Variants in PLCH1 observed in about 807,000 individuals in gnomAD.
The protein encoded by PLCH1 is phospholipase C eta 1.
PLCH1 carries 60 observed loss-of-function variants against 126.7 expected under a neutral mutation model. The observed-to-expected ratio is 0.47, with a 90% confidence interval of 0.38 to 0.59. The LOEUF (loss-of-function observed/expected upper bound fraction) is 0.59, where lower values mean the gene tolerates loss of function less well. Among genes scored for constraint, PLCH1 ranks in the 20% least tolerant of loss-of-function variants. PLCH1 has a pLI of 0.00. For synonymous variants in PLCH1, 719 were observed against 734.9 expected, an observed-to-expected ratio of 0.98 and a Z score of 0.35; for missense variants, 1,723 against 2,040.0, an observed-to-expected ratio of 0.84 and a Z score of 2.99.
intron 1 of PLCH1, among the ~76,000 whole-genome samples, chr3:155,720,570 T>C (rs1426011855): frequency 6.6e-6 from 1 of 152,176 alleles, no homozygotes; most frequent in Non-Finnish European, 1.5e-5. Context: ...TGGGATTATT[T>C]GTTTTTTTCT....
In PLCH1 at chr3:155,485,389, C is replaced by T; in HGVS notation, c.2941G>A (p.Ala981Thr). The T allele has an allele frequency of 8.7e-6, 14 of 1,606,504 alleles. No homozygotes were observed. Among genetic ancestry groups the T allele is most frequent in the Non-Finnish European group, 1.2e-5 (14 of 1,173,548 alleles). The change falls in exon 22 of 23, where the codon GCA (alanine) becomes ACA (threonine). Residue 981 changes from alanine (A) to threonine (T), a missense_variant. Physicochemically the swap from Ala to Thr is moderately conservative, Grantham distance 58 (BLOSUM62 0). Coordinates refer to ENST00000460012, the MANE Select transcript of PLCH1 (RefSeq NM_014996.4). ...GALSLPVSET[A>T]KDIEGKENSL... ...TTTTCTTTTCCTTCAATGTCTTTTG[C>T]TGTTTCAGATACAGGCAGCGACAAA...
At chr3:155,642,733 T>G (rs567293082) in intron 2 of PLCH1, among the ~76,000 whole-genome samples, 1 of 152,338 alleles carries the variant, frequency 6.6e-6, no homozygotes, top group East Asian at 1.9e-4. Flanking sequence ...CATTTTGGAT[T>G]TAGGCTATGA....
At chr3:155,670,215 A>G (rs539760945) in intron 2 of PLCH1, among the ~76,000 whole-genome samples, 24 of 152,320 alleles carry the variant, frequency 1.6e-4, no homozygotes, top group African/African-American at 5.5e-4. Flanking sequence ...AGAAATTATA[A>G]AAGAGGAATG....
chr3:155,589,763 T>C (rs1197027761), intron 4 of PLCH1, among the ~76,000 whole-genome samples: 1 of 152,182 alleles, frequency 6.6e-6, no homozygotes, highest in East Asian at 1.9e-4. Context: ...GCTAAAGATT[T>C]GCCACTCTTT....
At chr3:155,502,335 A>G (rs937859644) in intron 13 of PLCH1, among the ~76,000 whole-genome samples, 1 of 152,208 alleles carries the variant, frequency 6.6e-6, no homozygotes, top group African/African-American at 2.4e-5. Flanking sequence ...ATATAACATT[A>G]CCTTTCCATT....
chr3:155,670,242 C>T (rs1256705671), intron 2 of PLCH1, among the ~76,000 whole-genome samples: 1 of 152,088 alleles, frequency 6.6e-6, no homozygotes, highest in Admixed American at 6.6e-5. Context: ...TCCTTTAAAG[C>T]TGCCTTTTAT....
chr3:155,738,677 C>T (rs746301146), intron 1 of PLCH1, among the ~76,000 whole-genome samples: 13 of 151,330 alleles, frequency 8.6e-5, no homozygotes, highest in Admixed American at 2.0e-4. Flanking sequence ...ATGCCAGCTA[C>T]TAGGGAGGTT....
intron 8 of PLCH1, among the ~76,000 whole-genome samples, chr3:155,564,172 C>A (rs572217833): frequency 6.6e-6 from 1 of 152,272 alleles, no homozygotes; most frequent in Admixed American, 6.5e-5. Context: ...TCCCTGAAGA[C>A]AGAATTCATA....
intron 1 of PLCH1, among the ~76,000 whole-genome samples, chr3:155,724,813 T>TTGTGTGTGTGTGTGTGTGTGTGTG (rs60805589): frequency 2.1e-5 from 3 of 140,064 alleles, no homozygotes; most frequent in African/African-American, 8.2e-5. Context: ...TTGGGGGGTT[T>TTGTGTGTGTGTGTGTGTGTGTGTG]TGTGTGTGTG....
intron 4 of PLCH1, among the ~76,000 whole-genome samples, chr3:155,591,014 T>C (rs918918590): frequency 6.6e-5 from 10 of 152,198 alleles, no homozygotes; most frequent in African/African-American, 1.9e-4. Context: ...ACGGATCCCA[T>C]AGACTATGAA....
intron 2 of PLCH1, among the ~76,000 whole-genome samples, chr3:155,619,987 T>TA (rs1301333202): frequency 6.6e-6 from 1 of 152,214 alleles, no homozygotes; most frequent in Non-Finnish European, 1.5e-5. Flanking sequence ...AAGCTTCCTT[T>TA]AAAAAAATTA....
chr3:155,606,738 T>C (rs1054879120), intron 2 of PLCH1, among the ~76,000 whole-genome samples: 2 of 152,192 alleles, frequency 1.3e-5, no homozygotes, highest in Non-Finnish European at 2.9e-5. Flanking sequence ...CTGATTGCCA[T>C]TGGGTTGCCC....
chr3:155,610,302 G>A lies in PLCH1; in HGVS notation c.80-13924C>T, dbSNP rs146901308. On this transcript the variant is annotated intron_variant, in intron 2 of 22. Transcript: ENST00000460012. ...CTTGAACCTGGGAGGCAGAGGTTGC[G>A]GTGAGCCAAGATTGTGCCATTGCAC... 6.4e-3 allele frequency among the ~76,000 whole-genome samples: 945 copies of A among 147,112 alleles called. 14 individuals carry two copies. The highest frequency in any genetic ancestry group is 0.023 in the African/African-American group (882 of 39,144).
At chr3:155,576,535 G>A (rs1212511120) in intron 6 of PLCH1, among the ~76,000 whole-genome samples, 1 of 152,100 alleles carries the variant, frequency 6.6e-6, no homozygotes, top group Admixed American at 6.6e-5. Context: ...CTGACCCACA[G>A]GCCAATATTT....
At chr3:155,617,149 A>C (rs1282820131) in intron 2 of PLCH1, among the ~76,000 whole-genome samples, 1 of 152,076 alleles carries the variant, frequency 6.6e-6, no homozygotes, top group African/African-American at 2.4e-5. Flanking sequence ...GGCATAACCA[A>C]ATTTACTTGT....
chr3:155,565,054 G>A lies in PLCH1; in HGVS notation c.930C>T (p.Tyr310=). The A allele has an allele frequency of 6.2e-7, 1 of 1,613,424 alleles. No homozygotes were observed. Among genetic ancestry groups the A allele is most frequent in the East Asian group, 2.2e-5 (1 of 44,866 alleles). ...TGCAGAGGGGCTGATCCATGTCTTG[G>A]TACACTTCATGGTGCAATGGGTTAA... ...DIFNPLHHEV[Y]QDMDQPLCNY... is the part of the protein sequence containing the mutation. The change falls in exon 8 of 23, where the codon TAC becomes TAT. Residue 310 remains tyrosine, a synonymous_variant. Transcript: ENST00000460012.
At chr3:155,712,873 C>G (rs1032656278) in intron 1 of PLCH1, among the ~76,000 whole-genome samples, 8 of 151,778 alleles carry the variant, frequency 5.3e-5, no homozygotes, top group Admixed American at 1.3e-4. Context: ...ACCACCAGAG[C>G]CCAATCTCCT....
chr3:155,706,388 G>A (rs145827060), intron 1 of PLCH1, among the ~76,000 whole-genome samples: 3,973 of 151,402 alleles, frequency 0.026, 90 homozygotes, highest in African/African-American at 0.066. Flanking sequence ...TTGGGAGGCC[G>A]AGGTGGGCAG....
chr3:155,674,795 A>G (rs1440252605), intron 2 of PLCH1, among the ~76,000 whole-genome samples: 1 of 152,202 alleles, frequency 6.6e-6, no homozygotes, highest in African/African-American at 2.4e-5. Flanking sequence ...TTAAGAATTA[A>G]AGCTCTATTT....
Sources: allele counts gnomAD v4.1 joint callset (sites outside exome capture counted in the v4.1 genomes callset), GRCh38; gene constraint gnomAD v4.1.1; transcripts MANE v1.5; gene names NCBI Gene and HGNC (gene_info 2026-07-23, HGNC 2026-07-21).